Variants in SDK2 observed in about 807,000 individuals in gnomAD.
SDK2 encodes protein sidekick-2.
SDK2 carries 105 observed loss-of-function variants against 253.9 expected under a neutral mutation model. That is an observed-to-expected ratio of 0.41 (90% CI 0.35 to 0.49). The LOEUF is 0.49. Ranked by LOEUF, SDK2 falls within the 20% of genes least tolerant of loss-of-function variation. SDK2 has a pLI of 0.06. For missense variants in SDK2, 2,608 were observed against 3,003.0 expected (o/e 0.87, Z 3.07); for synonymous variants, 1,249 against 1,234.9 (o/e 1.01, Z -0.24).
At chr17:73,559,726 C>G in intron 1 of SDK2, among the ~76,000 whole-genome samples, 1 of 152,144 alleles carries the variant, frequency 6.6e-6, no homozygotes, top group East Asian at 1.9e-4. Context: ...GCCCCTCCCC[C>G]TTTCTTTTCT....
At chr17:73,441,305 G>A (rs966518161) in intron 5 of SDK2, among the ~76,000 whole-genome samples, 1 of 151,936 alleles carries the variant, frequency 6.6e-6, no homozygotes, top group Non-Finnish European at 1.5e-5. Context: ...CCACCAGAAT[G>A]CAAACTCTCT....
At chr17:73,522,494 G>C (rs2145788295) in intron 1 of SDK2, among the ~76,000 whole-genome samples, 1 of 152,362 alleles carries the variant, frequency 6.6e-6, no homozygotes, top group South Asian at 2.1e-4. Flanking sequence ...CTGGGAACCA[G>C]CTGGGGTTCT....
intron 1 of SDK2, among the ~76,000 whole-genome samples, chr17:73,621,475 G>A (rs1375501251): frequency 6.6e-6 from 1 of 152,076 alleles, no homozygotes; most frequent in Non-Finnish European, 1.5e-5. Flanking sequence ...ATGATGAGAT[G>A]TTGAAATTAG....
In SDK2 at chr17:73,427,596, G is replaced by T. The variant is rs550288322; in HGVS notation, c.1583+2915C>A. ...CAAAAACAAAGATAAAAATAAAAAA[G>T]AAGTCTTTTCAACAAACAGTGCTGG... On this transcript the variant is annotated intron_variant, in intron 12 of 44. Transcript: ENST00000392650. Among the ~76,000 whole-genome samples, 8 of 107,580 alleles carry T rather than the reference G, an allele frequency of 7.4e-5. No individual in the cohort carries two copies. In the South Asian group the frequency reaches 2.6e-3, roughly 35 times the overall value. The allele number at this position is 107,580 out of a possible 152,430, so 70.6% of individuals were successfully genotyped here. A position where few individuals can be genotyped will look rare whatever the true frequency, so the allele number is the denominator to read the frequency against.
chr17:73,601,115 G>C (rs1205295574), intron 1 of SDK2, among the ~76,000 whole-genome samples: 1 of 151,964 alleles, frequency 6.6e-6, no homozygotes. Flanking sequence ...CGCCTCCCAG[G>C]TTCAAACAAT....
At chr17:73,483,649 G>A (rs1362641181) in intron 2 of SDK2, among the ~76,000 whole-genome samples, 31 of 36,740 alleles carry the variant, frequency 8.4e-4, no homozygotes, top group African/African-American at 2.5e-3. Context: ...ATATGTGTGT[G>A]TGTGTGTGTG....
intron 1 of SDK2, chr17:73,517,290 C>T (rs1340838380): frequency 6.6e-6 from 1 of 152,116 alleles, no homozygotes; most frequent in African/African-American, 2.4e-5. Flanking sequence ...CATGTCCTTC[C>T]CAAAACCTCA....
At chr17:73,405,517 T>TAAAA (rs112566588) in intron 18 of SDK2, among the ~76,000 whole-genome samples, 1 of 66,178 alleles carries the variant, frequency 1.5e-5, no homozygotes, top group Non-Finnish European at 2.7e-5. Flanking sequence ...TATATATATA[T>TAAAA]AAAGATCGAG....
chr17:73,536,459 C>A (rs1893013690), intron 1 of SDK2, among the ~76,000 whole-genome samples: 3 of 151,838 alleles, frequency 2.0e-5, no homozygotes, highest in Admixed American at 2.0e-4. Context: ...CACCTCTCTG[C>A]CATCTACACC....
intron 1 of SDK2, among the ~76,000 whole-genome samples, chr17:73,545,084 T>TGCGTGC (rs2044935823): frequency 9.9e-6 from 1 of 100,794 alleles, no homozygotes. Context: ...GCATTCTCAT[T>TGCGTGC]GCGTGCACGT....
chr17:73,592,710 A>G (rs896704498), intron 1 of SDK2, among the ~76,000 whole-genome samples: 2 of 152,200 alleles, frequency 1.3e-5, no homozygotes, highest in African/African-American at 2.4e-5. Flanking sequence ...TGCTCAGATG[A>G]CGGGAAGACG....
chr17:73,364,321 C>T (rs184010305), intron 38 of SDK2, among the ~76,000 whole-genome samples: 130 of 152,196 alleles, frequency 8.5e-4, no homozygotes, highest in Admixed American at 4.4e-3. Context: ...AGCTGGGGCC[C>T]GGAGGAAGGG....
At chr17:73,442,888 T>TA (rs2063426783) in intron 5 of SDK2, among the ~76,000 whole-genome samples, 1 of 149,764 alleles carries the variant, frequency 6.7e-6, no homozygotes, top group Admixed American at 6.6e-5. Context: ...TCCTTTTTTT[T>TA]ATATTTTGAG....
chr17:73,402,560 G>A (rs1240810725), intron 18 of SDK2, among the ~76,000 whole-genome samples: 2 of 152,154 alleles, frequency 1.3e-5, no homozygotes, highest in Admixed American at 1.3e-4. Context: ...CCTTCCAAAC[G>A]TGGGGCCCTG....
Position 73,424,109 on chromosome 17 carries a change from C to A in SDK2, c.1584-17G>T. 1 of 1,603,700 alleles carries A rather than the reference C, an allele frequency of 6.2e-7. No homozygotes were observed. Among genetic ancestry groups the A allele is most frequent in the East Asian group, 2.2e-5 (1 of 44,668 alleles). On this transcript the variant is annotated splice_polypyrimidine_tract_variant and intron_variant, in intron 12 of 44. Coordinates refer to ENST00000392650, the MANE Select transcript of SDK2 (RefSeq NM_001144952.2). ...CAGATGTACCTAAAAGTAAGAAGAA[C>A]CCGTAAGTACAGAGGGAGAGGAAGG...
At chr17:73,585,510 CCA>C (rs1476376709) in intron 1 of SDK2, among the ~76,000 whole-genome samples, 1 of 152,178 alleles carries the variant, frequency 6.6e-6, no homozygotes, top group Non-Finnish European at 1.5e-5. Context: ...GGTCTGTGGG[CCA>C]CACTCTGAAT....
rs775134046 is a variant in SDK2, at chr17:73,415,819, AGC to A, written c.2358_2359del (p.Leu787AlafsTer61). The A allele has an allele frequency of 5.2e-6, 8 of 1,552,434 alleles. No homozygotes were observed. The South Asian group carries it at 9.5e-5, about 18-fold the overall frequency. On this transcript the variant is annotated frameshift_variant, in exon 17 of 45. Coordinates refer to ENST00000392650, the MANE Select transcript of SDK2 (RefSeq NM_001144952.2). LOFTEE classifies it high-confidence loss of function. ...CCACAGTCTCTACCTACCTCCCTGC[AGC>A]GTCCACTCGGTGACTTTACTGCTGT... is the stretch of plus-strand genomic sequence containing the variant.
chr17:73,416,472 G>T (rs1048414595), intron 16 of SDK2, among the ~76,000 whole-genome samples: 1 of 152,082 alleles, frequency 6.6e-6, no homozygotes, highest in Non-Finnish European at 1.5e-5. Context: ...AAAGTGCTGG[G>T]ATTATAGCAT....
At chr17:73,438,223 G>T in intron 6 of SDK2, 69 bp from the exon 7 acceptor site, 1 of 1,430,680 alleles carries the variant, frequency 7.0e-7, no homozygotes, top group Non-Finnish European at 9.5e-7. Flanking sequence ...GCAGGGCAGG[G>T]GGTGGTAAGG....
Sources: allele counts gnomAD v4.1 joint callset (sites outside exome capture counted in the v4.1 genomes callset), GRCh38; gene constraint gnomAD v4.1.1; transcripts MANE v1.5; gene names NCBI Gene and HGNC (gene_info 2026-07-23, HGNC 2026-07-21).